The following TENM3 variants were observed in gnomAD, a reference collection of about 807,000 sequenced individuals.
TENM3 encodes the protein teneurin-3.
TENM3 carries 63 observed loss-of-function variants against 255.1 expected under a neutral mutation model. The observed-to-expected ratio is 0.25, with a 90% CI of 0.20 to 0.30. The LOEUF (loss-of-function observed/expected upper bound fraction) is 0.30, where lower values mean the gene tolerates loss of function less well. Among genes scored for constraint, TENM3 ranks in the 10% least tolerant of loss-of-function variants. The pLI, the probability that TENM3 is intolerant of heterozygous loss-of-function variation, is 1.00. For missense variants in TENM3, 2,929 were observed against 3,461.1 expected (o/e 0.85, Z 3.86); for synonymous variants, 1,306 against 1,322.3 (o/e 0.99, Z 0.27).
the TENM3 span, among the ~76,000 whole-genome samples, chr4:181,584,610 T>C: frequency 1.3e-5 from 2 of 152,348 alleles, no homozygotes; most frequent in South Asian, 4.1e-4. Context: ...TGACATTTCT[T>C]CTACGGTCCT....
At chr4:181,603,489 T>C in the TENM3 span, among the ~76,000 whole-genome samples, 2 of 152,280 alleles carry the variant, frequency 1.3e-5, no homozygotes, top group East Asian at 3.9e-4. Context: ...CCATCGGCAC[T>C]TTCCAGGGCT....
chr4:182,749,913 T>C (rs1762255254), intron 19 of TENM3, among the ~76,000 whole-genome samples: 1 of 151,936 alleles, frequency 6.6e-6, no homozygotes, highest in South Asian at 2.1e-4. Context: ...CTTGGTGGAG[T>C]TGCAACTCTG....
chr4:181,854,260 C>G, the TENM3 span, among the ~76,000 whole-genome samples: 4 of 152,294 alleles, frequency 2.6e-5, no homozygotes, highest in African/African-American at 9.6e-5. Context: ...TAGTACAGCT[C>G]TTGGTAGCTA....
At chr4:182,351,631 A>T in intron 3 of TENM3, among the ~76,000 whole-genome samples, 1 of 152,144 alleles carries the variant, frequency 6.6e-6, no homozygotes, top group Non-Finnish European at 1.5e-5. Context: ...CCTTTGATGT[A>T]AGGCAGGCCA....
chr4:182,780,441 C>G, intron 24 of TENM3, among the ~76,000 whole-genome samples: 1 of 107,638 alleles, frequency 9.3e-6, no homozygotes, highest in East Asian at 2.5e-4. Flanking sequence ...CAGTACCATG[C>G]TGTTTTGGTT....
chr4:181,880,112 G>A, the TENM3 span, among the ~76,000 whole-genome samples: 6 of 151,954 alleles, frequency 3.9e-5, no homozygotes, highest in East Asian at 1.9e-4. Context: ...TAATTGAAAC[G>A]TTGTTAAACT....
intron 3 of TENM3, chr4:182,349,922 GA>G: frequency 3.7e-6 from 1 of 271,082 alleles, no homozygotes; most frequent in Non-Finnish European, 7.3e-6. Flanking sequence ...TCACCAAAAG[GA>G]AACGAATTTA....
chr4:182,201,122 G>C (rs954472543), intron 1 of TENM3, among the ~76,000 whole-genome samples: 1 of 152,070 alleles, frequency 6.6e-6, no homozygotes, highest in Non-Finnish European at 1.5e-5. Context: ...ACCACGCCCA[G>C]CCTAGAGTTC....
At chr4:181,544,893 T>C in the TENM3 span, among the ~76,000 whole-genome samples, 2 of 152,306 alleles carry the variant, frequency 1.3e-5, no homozygotes, top group East Asian at 3.9e-4. Context: ...TGACAAATGT[T>C]TTTGCTTTTT....
the TENM3 span, among the ~76,000 whole-genome samples, chr4:182,138,697 A>T: frequency 4.5e-4 from 69 of 152,246 alleles, no homozygotes; most frequent in Non-Finnish European, 7.9e-4. Flanking sequence ...AAACATGAGT[A>T]TCTACATGTT....
At chr4:181,864,946 T>G in the TENM3 span, among the ~76,000 whole-genome samples, 1 of 152,226 alleles carries the variant, frequency 6.6e-6, no homozygotes, top group African/African-American at 2.4e-5. Context: ...ATGGCTCAGA[T>G]AAAGGCTTGG....
At chr4:181,981,281 G>A in the TENM3 span, among the ~76,000 whole-genome samples, 4 of 152,128 alleles carry the variant, frequency 2.6e-5, no homozygotes, top group Non-Finnish European at 5.9e-5. Context: ...ATTTTTGCAT[G>A]TTAATGGTTC....
the TENM3 span, among the ~76,000 whole-genome samples, chr4:181,717,342 G>A: frequency 6.6e-6 from 1 of 152,024 alleles, no homozygotes; most frequent in South Asian, 2.1e-4. Context: ...TGATCACGGG[G>A]TATAAAAATG....
chr4:182,136,674 T>C, the TENM3 span, among the ~76,000 whole-genome samples: 1 of 152,220 alleles, frequency 6.6e-6, no homozygotes, highest in African/African-American at 2.4e-5. Flanking sequence ...CCTATCACCA[T>C]ACCTTGAGCA....
chr4:181,484,365 A>G, the TENM3 span, among the ~76,000 whole-genome samples: 1 of 152,142 alleles, frequency 6.6e-6, no homozygotes, highest in African/African-American at 2.4e-5. Flanking sequence ...CCTATATGTG[A>G]TGTGTGACTC....
the TENM3 span, among the ~76,000 whole-genome samples, chr4:181,545,716 A>G: frequency 6.6e-6 from 1 of 152,354 alleles, no homozygotes; most frequent in Admixed American, 6.5e-5. Context: ...TTAAAATTAA[A>G]GATATTTTTA....
intron 3 of TENM3, among the ~76,000 whole-genome samples, chr4:182,522,812 C>A (rs74946189): frequency 0.021 from 3,232 of 152,250 alleles, 111 homozygotes; most frequent in African/African-American, 0.073. Context: ...TCTTGGATAT[C>A]CAGCAGAGGG....
chr4:182,316,110 A>G (rs767055551), intron 1 of TENM3, among the ~76,000 whole-genome samples: 1 of 151,948 alleles, frequency 6.6e-6, no homozygotes, highest in Non-Finnish European at 1.5e-5. Context: ...ATACCTGGTA[A>G]TTTTTTATTG....
chr4:182,114,429 T>G, the TENM3 span, among the ~76,000 whole-genome samples: 1 of 152,076 alleles, frequency 6.6e-6, no homozygotes, highest in South Asian at 2.1e-4. Flanking sequence ...ATGTATTTAT[T>G]TTTAGAATTT....
Sources: allele counts gnomAD v4.1 joint callset (sites outside exome capture counted in the v4.1 genomes callset), GRCh38; gene constraint gnomAD v4.1.1; transcripts MANE v1.5; gene names NCBI Gene and HGNC (gene_info 2026-07-23, HGNC 2026-07-21).